GSTCD: variants seen among roughly 807,000 people sequenced by gnomAD.
The protein encoded by GSTCD is glutathione S-transferase C-terminal domain containing, also known as glutathione S-transferase C-terminal domain-containing protein.
Under a neutral mutation model 68.3 loss-of-function variants are expected in GSTCD, and 44 were observed. The observed-to-expected ratio is 0.64, with a 90% CI of 0.51 to 0.83. The LOEUF is 0.83. GSTCD is among the 40% of genes least tolerant of loss of function. The pLI, the probability that GSTCD is intolerant of heterozygous loss-of-function variation, is 0.00. For missense variants in GSTCD, 739 were observed against 735.9 expected (o/e 1.00, Z -0.05); for synonymous variants, 273 against 255.2 (o/e 1.07, Z -0.67).
intron 5 of GSTCD, among the ~76,000 whole-genome samples, chr4:105,769,196 A>C (rs1734734538): frequency 6.6e-6 from 1 of 151,806 alleles, no homozygotes; most frequent in African/African-American, 2.4e-5. Flanking sequence ...ATTAGAGAAA[A>C]TAAGAAGTTA....
chr4:105,715,323 T>G (rs937756538), intron 1 of GSTCD, among the ~76,000 whole-genome samples: 15 of 152,202 alleles, frequency 9.9e-5, no homozygotes, highest in Non-Finnish European at 2.1e-4. Flanking sequence ...TCTTTGAACT[T>G]TGATCTTTAA....
chr4:105,735,369 C>T (rs1217580966), intron 5 of GSTCD, among the ~76,000 whole-genome samples: 1 of 152,226 alleles, frequency 6.6e-6, no homozygotes. Context: ...CAAGCCTCAG[C>T]AATGGCGGGC....
chr4:105,760,996 ATTTTTTTTTTTT>A (rs35581423), intron 5 of GSTCD: 6 of 174,968 alleles, frequency 3.4e-5, no homozygotes, highest in Admixed American at 1.2e-4. Flanking sequence ...TCCTTTTTTA[ATTTTTTTTTTTT>A]TTTTTTTTTT....
chr4:105,832,223 C>T (rs151102745), intron 8 of GSTCD, among the ~76,000 whole-genome samples: 2 of 152,020 alleles, frequency 1.3e-5, no homozygotes, highest in Non-Finnish European at 2.9e-5. Context: ...TGAAATACCA[C>T]CTTTATTGTA....
In GSTCD at chr4:105,845,839, T is replaced by C. The variant is rs1305280927; in HGVS notation, c.*262T>C. 1 of 405,686 alleles carries C rather than the reference T, an allele frequency of 2.5e-6. No individual in the cohort carries two copies. Among genetic ancestry groups the C allele is most frequent in the Non-Finnish European group, 4.5e-6 (1 of 220,526 alleles). 25.1% of individuals were successfully genotyped at this position (405,686 alleles called of 1,614,324 possible). A position where few individuals can be genotyped will look rare whatever the true frequency, so the allele number is the denominator to read the frequency against. ...TCAGCTGCCAAAAGAATAATACTAG[T>C]GGAGGTTCCATCACAGGAATAACAA... On this transcript the variant is annotated 3_prime_UTR_variant, in exon 12 of 12. Transcript: ENST00000515279.
chr4:105,843,974 A>T (rs1413160994), intron 11 of GSTCD, among the ~76,000 whole-genome samples: 2 of 152,166 alleles, frequency 1.3e-5, no homozygotes, highest in Non-Finnish European at 2.9e-5. Context: ...TCACGTCTAC[A>T]TCTCTGCTTT....
At chr4:105,809,146 G>C (rs1722649926) in intron 5 of GSTCD, among the ~76,000 whole-genome samples, 1 of 152,082 alleles carries the variant, frequency 6.6e-6, no homozygotes, top group South Asian at 2.1e-4. Context: ...TATGAAGAAG[G>C]GAAAAGAATC....
At chr4:105,726,168 T>C (rs2149209968) in intron 3 of GSTCD, among the ~76,000 whole-genome samples, 2 of 152,266 alleles carry the variant, frequency 1.3e-5, no homozygotes, top group South Asian at 4.1e-4. Context: ...AAATATAGTA[T>C]ATCCACACAA....
intron 5 of GSTCD, among the ~76,000 whole-genome samples, chr4:105,791,335 G>A (rs1473680016): frequency 6.6e-6 from 1 of 150,386 alleles, no homozygotes; most frequent in East Asian, 1.9e-4. Context: ...GGAGCTTGCA[G>A]TGAGCCGAGA....
At chr4:105,724,217 G>A (rs925982621) in intron 3 of GSTCD, among the ~76,000 whole-genome samples, 1 of 151,432 alleles carries the variant, frequency 6.6e-6, no homozygotes, top group Admixed American at 6.6e-5. Context: ...TGGTTTCTAC[G>A]GAAACATTTG....
At chr4:105,786,892 A>G (rs1735488349) in intron 5 of GSTCD, among the ~76,000 whole-genome samples, 1 of 152,112 alleles carries the variant, frequency 6.6e-6, no homozygotes, top group South Asian at 2.1e-4. Flanking sequence ...TACTGCCGTT[A>G]GGAATGTAAA....
intron 1 of GSTCD, among the ~76,000 whole-genome samples, chr4:105,709,965 G>GT (rs142497611): frequency 0.045 from 6,814 of 150,706 alleles, 215 homozygotes; most frequent in Middle Eastern, 0.13. Flanking sequence ...AGCTATGCGG[G>GT]TTTTTTTTTC....
At chr4:105,822,308 T>C (rs541488293) in intron 5 of GSTCD, among the ~76,000 whole-genome samples, 1 of 152,112 alleles carries the variant, frequency 6.6e-6, no homozygotes, top group Non-Finnish European at 1.5e-5. Flanking sequence ...GTCTGACTCA[T>C]GAGGAAAGGA....
chr4:105,729,436 C>G lies in GSTCD; in HGVS notation c.1177C>G (p.His393Asp), dbSNP rs1733153141. The G allele has an allele frequency of 1.2e-6, 2 of 1,610,720 alleles. No individual in the cohort carries two copies. The highest frequency in any genetic ancestry group is 1.7e-6 in the Non-Finnish European group (2 of 1,178,008). ...EKGIEVMFSP[H>D]PCPTWTLDWN... ...GGGCATTGAAGTGATGTTTTCTCCCCACCCTTGCCCTACTTGGACTCTTGA... is the reference window on the plus strand; with the variant it reads ...GGGCATTGAAGTGATGTTTTCTCCCGACCCTTGCCCTACTTGGACTCTTGA... Residue 393 changes from histidine (H) to aspartate (D), a missense_variant, in exon 5 of 12, where the codon CAC becomes GAC. By Grantham distance (81) the His-to-Asp change is moderately conservative. Coordinates refer to ENST00000515279, the MANE Select transcript of GSTCD (RefSeq NM_001370181.1).
intron 11 of GSTCD, 63 bp from the exon 12 acceptor site, chr4:105,845,378 A>G (rs1724507712): frequency 6.2e-7 from 1 of 1,601,270 alleles, no homozygotes. Flanking sequence ...GATTCCCTTA[A>G]ACAAACTGAA....
chr4:105,761,461 A>G (rs1734408959), intron 5 of GSTCD: 1 of 152,164 alleles, frequency 6.6e-6, no homozygotes, highest in African/African-American at 2.4e-5. Context: ...TTAAAATAGT[A>G]GAATTATCTT....
At position 105,750,912 on chromosome 4, in the gene GSTCD, G is replaced by A. The variant is rs114913092; in HGVS notation, c.1240+21413G>A. On this transcript the variant is annotated intron_variant, in intron 5 of 11. Coordinates refer to ENST00000515279, the MANE Select transcript of GSTCD (RefSeq NM_001370181.1). ...AAAAGGTTACCTATACTGTATGTTT[G>A]CCTTTATATAACATTATCAAAATGA... is the stretch of plus-strand genomic sequence containing the variant. Among the ~76,000 whole-genome samples the A allele has an allele frequency of 8.5e-3, 1,300 of 152,260 alleles. 18 individuals carry two copies. Among genetic ancestry groups the A allele is most frequent in the African/African-American group, 0.029 (1,204 of 41,538 alleles).
chr4:105,755,653 A>T (rs1734162572), intron 5 of GSTCD, among the ~76,000 whole-genome samples: 1 of 152,116 alleles, frequency 6.6e-6, no homozygotes. Flanking sequence ...GCCAATCACC[A>T]GGCTAGGTTG....
intron 5 of GSTCD, among the ~76,000 whole-genome samples, chr4:105,768,137 G>A (rs1040352112): frequency 6.6e-6 from 1 of 151,054 alleles, no homozygotes; most frequent in Non-Finnish European, 1.5e-5. Context: ...CCGGGTTCCC[G>A]CCATTCTCCT....
Sources: gnomAD v4.1 joint callset for allele counts (sites outside exome capture counted in the v4.1 genomes callset) on GRCh38, gnomAD v4.1.1 for gene constraint, MANE v1.5 for transcripts, NCBI Gene and HGNC (gene_info 2026-07-23, HGNC 2026-07-21) for gene names.